Variants in SRPK2 observed in about 807,000 individuals in gnomAD.
The protein encoded by SRPK2 is SRSF protein kinase 2, also known as SFRS protein kinase 2.
Under a neutral mutation model 90.8 loss-of-function variants are expected in SRPK2, and 21 were observed. The ratio of observed to expected loss-of-function variants is 0.23; its 90% CI spans 0.16 to 0.33. The LOEUF (loss-of-function observed/expected upper bound fraction) is 0.33. Ranked by LOEUF, SRPK2 falls within the 10% of genes least tolerant of loss-of-function variation. The probability of loss-of-function intolerance (pLI) is 1.00; values close to 1 mark genes in which losing one functional copy is unlikely to be tolerated. For synonymous variants in SRPK2, 288 were observed against 311.1 expected (o/e 0.93, Z 0.78); for missense variants, 620 against 869.0 (o/e 0.71, Z 3.60).
At chr7:105,297,240 T>C (rs1172385779) in intron 2 of SRPK2, among the ~76,000 whole-genome samples, 2 of 152,202 alleles carry the variant, frequency 1.3e-5, no homozygotes, top group African/African-American at 4.8e-5. Context: ...AACAAGCTGT[T>C]AGAAACAGCA....
chr7:105,229,330 G>A (rs1799134527), intron 2 of SRPK2, among the ~76,000 whole-genome samples: 1 of 152,070 alleles, frequency 6.6e-6, no homozygotes, highest in Non-Finnish European at 1.5e-5. Flanking sequence ...CGGGCATAGC[G>A]GCGGGCGCCT....
At chr7:105,244,573 C>T (rs1290958662) in intron 2 of SRPK2, 1 of 610,858 alleles carries the variant, frequency 1.6e-6, no homozygotes, top group East Asian at 2.9e-5. Flanking sequence ...GACTCCGTCT[C>T]AACAACAATA....
At chr7:105,306,640 T>C (rs1020927414) in intron 2 of SRPK2, 5 of 374,566 alleles carry the variant, frequency 1.3e-5, no homozygotes, top group Admixed American at 4.0e-5. Context: ...GTTGGCAAGA[T>C]GCCACCTTCA....
chr7:105,221,873 AAACT>A (rs1290643878), intron 2 of SRPK2, among the ~76,000 whole-genome samples: 1 of 152,128 alleles, frequency 6.6e-6, no homozygotes, highest in Non-Finnish European at 1.5e-5. Context: ...GGCTATAAAC[AAACT>A]AATTCTTTAC....
chr7:105,224,567 C>T (rs1239685927), intron 2 of SRPK2, among the ~76,000 whole-genome samples: 6 of 152,102 alleles, frequency 3.9e-5, no homozygotes, highest in Non-Finnish European at 8.8e-5. Flanking sequence ...TGAGATCCCA[C>T]GACTGCACTC....
chr7:105,159,453 A>AAAAAAAAAAAAC, intron 7 of SRPK2, among the ~76,000 whole-genome samples: 1 of 138,460 alleles, frequency 7.2e-6, no homozygotes, highest in Non-Finnish European at 1.6e-5. Context: ...GTCTCCAAAA[A>AAAAAAAAAAAAC]AAAAAAAAAA....
intron 3 of SRPK2, among the ~76,000 whole-genome samples, chr7:105,170,939 G>GA (rs1554435903): frequency 3.1e-5 from 1 of 32,212 alleles, no homozygotes; most frequent in Non-Finnish European, 8.4e-5. Flanking sequence ...AAAAAGGAAA[G>GA]AAAGAAAGAA....
chr7:105,227,533 C>T (rs1180460935), intron 2 of SRPK2, among the ~76,000 whole-genome samples: 1 of 152,094 alleles, frequency 6.6e-6, no homozygotes, highest in Non-Finnish European at 1.5e-5. Context: ...CAATGAAATA[C>T]CACTTCATGT....
Position 105,301,884 on chromosome 7 carries a change from C to T in SRPK2, c.71+86764G>A, listed in dbSNP as rs949812295. 8 of 1,595,924 alleles carry T rather than the reference C, an allele frequency of 5.0e-6. No individual in the cohort carries two copies. The African/African-American group carries it at 6.7e-5, about 13-fold the overall frequency. On this transcript the variant is annotated intron_variant, in intron 2 of 15. Coordinates refer to ENST00000393651, the MANE Select transcript of SRPK2 (RefSeq NM_182692.3). The stretch of plus-strand genomic sequence containing the variant: ...AATCACAATCCCATTAATTCCACAA[C>T]ATCGATAAGCAATATCATCTCAATT...
In SRPK2 at chr7:105,204,733, G is replaced by A. The variant is rs1009194974; in HGVS notation, c.72-948C>T. The A allele has an allele frequency of 5.7e-6, 4 of 698,464 alleles. No individual in the cohort carries two copies. The African/African-American group carries it at 7.2e-5, about 13-fold the overall frequency. 43.3% of individuals were successfully genotyped at this position (698,464 alleles called of 1,614,324 possible). Reference sequence around the variant, plus strand: ...AGAACAAGCTTGACAAACATATTGTGGTCTGGTTCTGGTCAAGCAAAATTC... The same window carrying A: ...AGAACAAGCTTGACAAACATATTGTAGTCTGGTTCTGGTCAAGCAAAATTC... On this transcript the variant is annotated intron_variant, in intron 2 of 15. Coordinates refer to ENST00000393651, the MANE Select transcript of SRPK2 (RefSeq NM_182692.3).
intron 3 of SRPK2, among the ~76,000 whole-genome samples, chr7:105,190,078 GCAGGAGCAGGC>G (rs963354188): frequency 4.6e-5 from 7 of 152,194 alleles, no homozygotes; most frequent in African/African-American, 1.7e-4. Flanking sequence ...GGCAGCACCA[GCAGGAGCAGGC>G]CAGGAGCAGG....
chr7:105,299,837 T>C (rs117754071), intron 2 of SRPK2, among the ~76,000 whole-genome samples: 6,258 of 152,222 alleles, frequency 0.041, 188 homozygotes, highest in Non-Finnish European at 0.063. Flanking sequence ...TAAGTTGCAG[T>C]GAGCCGAGAT....
chr7:105,199,905 A>T (rs1209565349), intron 3 of SRPK2, among the ~76,000 whole-genome samples: 1 of 151,778 alleles, frequency 6.6e-6, no homozygotes, highest in Non-Finnish European at 1.5e-5. Flanking sequence ...TTAAAAAAAA[A>T]AAAAAAAAAA....
chr7:105,191,697 C>G (rs1794299587), intron 3 of SRPK2, among the ~76,000 whole-genome samples: 1 of 151,998 alleles, frequency 6.6e-6, no homozygotes, highest in African/African-American at 2.4e-5. Flanking sequence ...CCATACTCAA[C>G]AGATTGTTGA....
intron 2 of SRPK2, among the ~76,000 whole-genome samples, chr7:105,348,137 C>A (rs113347344): frequency 8.1e-6 from 1 of 123,262 alleles, no homozygotes; most frequent in Admixed American, 1.1e-4. Flanking sequence ...AGTGCAATGG[C>A]GCGATCTCAC....
intron 2 of SRPK2, among the ~76,000 whole-genome samples, chr7:105,310,060 C>T (rs1811540321): frequency 6.6e-6 from 1 of 152,120 alleles, no homozygotes; most frequent in Non-Finnish European, 1.5e-5. Flanking sequence ...TGATATGAGT[C>T]CTAGTAGGTC....
rs557987804 is a variant in SRPK2 at position 105,327,006 on chromosome 7, A to T, written c.71+61642T>A. Among the ~76,000 whole-genome samples, 776 of 151,856 alleles carry T rather than the reference A, an allele frequency of 5.1e-3. 11 individuals are homozygous for T. The East Asian group carries it at 0.055, about 11-fold the overall frequency. ...TGAACCCAGGAGGTGGAGGCTGCAT[A>T]AAGCTGAGATCGTGCCACTGCACTC... On this transcript the variant is annotated intron_variant, in intron 2 of 15. Coordinates refer to ENST00000393651, the MANE Select transcript of SRPK2 (RefSeq NM_182692.3).
chr7:105,388,564 C>G (rs1347525919), intron 2 of SRPK2, 84 bp downstream of exon 2: 1 of 1,289,548 alleles, frequency 7.8e-7, no homozygotes, highest in Non-Finnish European at 1.1e-6. Context: ...GGCCCGGGGA[C>G]CCGGACAACT....
intron 2 of SRPK2, among the ~76,000 whole-genome samples, chr7:105,275,891 T>A (rs1806417802): frequency 6.6e-6 from 1 of 152,194 alleles, no homozygotes; most frequent in Non-Finnish European, 1.5e-5. Context: ...GGACCCTGAC[T>A]TTTGTCAAGT....
Sources: allele counts gnomAD v4.1 joint callset (sites outside exome capture counted in the v4.1 genomes callset), GRCh38; gene constraint gnomAD v4.1.1; transcripts MANE v1.5; gene names NCBI Gene and HGNC (gene_info 2026-07-23, HGNC 2026-07-21).